BABAM2: variants seen among roughly 807,000 people sequenced by gnomAD.
The protein encoded by BABAM2 is BRISC and BRCA1-A complex member 2.
Under a neutral mutation model 54.7 loss-of-function variants are expected in BABAM2, and 31 were observed. The observed-to-expected ratio is 0.57, with a 90% CI of 0.43 to 0.77. The LOEUF is 0.77. BABAM2 is among the 30% of genes least tolerant of loss of function. The pLI, the probability that BABAM2 is intolerant of heterozygous loss-of-function variation, is 0.00. For missense variants in BABAM2, 364 were observed against 455.8 expected (o/e 0.80, Z 1.83); for synonymous variants, 167 against 162.9 (o/e 1.03, Z -0.19).
At chr2:28,215,484 G>C (rs565874144) in intron 7 of BABAM2, among the ~76,000 whole-genome samples, 4 of 152,316 alleles carry the variant, frequency 2.6e-5, no homozygotes, top group African/African-American at 9.6e-5. Flanking sequence ...AAAGCATTCT[G>C]CTGGGCATTT....
At chr2:28,083,835 C>T (rs1339916639) in intron 6 of BABAM2, among the ~76,000 whole-genome samples, 7 of 152,042 alleles carry the variant, frequency 4.6e-5, no homozygotes, top group African/African-American at 7.2e-5. Flanking sequence ...TTGGTCATTT[C>T]GTGATCTGTA....
At chr2:28,028,380 T>A (rs908632642) in intron 5 of BABAM2, among the ~76,000 whole-genome samples, 2 of 151,508 alleles carry the variant, frequency 1.3e-5, no homozygotes, top group South Asian at 4.2e-4. Context: ...TATCCCACCC[T>A]CCCAACACAC....
chr2:27,936,430 C>T (rs576298024), intron 3 of BABAM2, among the ~76,000 whole-genome samples: 1 of 152,124 alleles, frequency 6.6e-6, no homozygotes, highest in Non-Finnish European at 1.5e-5. Flanking sequence ...CCATTTGACC[C>T]AGCCATCCCA....
intron 10 of BABAM2, among the ~76,000 whole-genome samples, chr2:28,248,572 CA>C (rs1299880955): frequency 2.0e-5 from 3 of 151,764 alleles, no homozygotes; most frequent in African/African-American, 7.2e-5. Flanking sequence ...AGTAACAGAA[CA>C]AAAAAAATCC....
intron 1 of BABAM2, among the ~76,000 whole-genome samples, chr2:27,891,562 T>C (rs1207149543): frequency 6.6e-6 from 1 of 152,110 alleles, no homozygotes; most frequent in Non-Finnish European, 1.5e-5. Context: ...ATCTGGGGTG[T>C]ATTATAGTGC....
At chr2:28,150,975 C>G (rs1671974879) in intron 7 of BABAM2, among the ~76,000 whole-genome samples, 1 of 152,190 alleles carries the variant, frequency 6.6e-6, no homozygotes, top group Non-Finnish European at 1.5e-5. Context: ...GTTAATAGCT[C>G]CCACAGCTCT....
At chr2:28,273,120 C>T (rs140258277) in intron 10 of BABAM2, among the ~76,000 whole-genome samples, 15 of 152,270 alleles carry the variant, frequency 9.9e-5, no homozygotes, top group East Asian at 1.9e-4. Context: ...TTCCACGGAC[C>T]GAACATTTTC....
At chr2:28,082,515 T>G (rs1573542308) in intron 6 of BABAM2, among the ~76,000 whole-genome samples, 1 of 152,330 alleles carries the variant, frequency 6.6e-6, no homozygotes, top group Middle Eastern at 3.4e-3. Context: ...TATCCTCTTC[T>G]CTAAAATGAA....
At chr2:28,196,836 CTTTTT>C (rs759950166) in intron 7 of BABAM2, among the ~76,000 whole-genome samples, 3 of 40,244 alleles carry the variant, frequency 7.5e-5, no homozygotes, top group Non-Finnish European at 1.3e-4. Context: ...GAGACCCTGT[CTTTTT>C]TTTTTTTTTT....
rs1558667447 is a variant in BABAM2, at chr2:28,026,883, T to TGG, written c.495+1463_495+1464insGG. ...ATATAGATATATATATTTATATATA[T>TGG]ATAGATATATATAAATATATATAAA... On this transcript the variant is annotated intron_variant, in intron 5 of 11. Transcript: ENST00000379624. 5.4e-3 allele frequency among the ~76,000 whole-genome samples: 275 copies of TGG among 50,518 alleles called. 10 individuals carry two copies. The highest frequency in any genetic ancestry group is 0.01 in the Middle Eastern group (1 of 100). 33.1% of individuals were successfully genotyped at this position (50,518 alleles called of 152,430 possible).
At position 28,073,367 on chromosome 2, in the gene BABAM2, G is replaced by A. The variant is rs567364917; in HGVS notation, c.570+27568G>A. On this transcript the variant is annotated intron_variant, in intron 6 of 11. Transcript: ENST00000379624. Reference sequence around the variant, plus strand: ...ATTTTAATTAGCCAGTTGTCGTGGTGTGCTTCTGTAGTCCCAGCTACTCAA... The same window carrying A: ...ATTTTAATTAGCCAGTTGTCGTGGTATGCTTCTGTAGTCCCAGCTACTCAA... Among the ~76,000 whole-genome samples the A allele has an allele frequency of 4.6e-5, 7 of 152,014 alleles. No homozygotes were observed. In the East Asian group the frequency reaches 1.4e-3, roughly 29 times the overall value.
In BABAM2 at chr2:28,081,289, C is replaced by A. The variant is rs556248002; in HGVS notation, c.570+35490C>A. ...TCACAGCCCTTTAAGATATACAGGG[C>A]AAGTAGGAGCTGCTTCTTTTCTAGA... On this transcript the variant is annotated intron_variant, in intron 6 of 11. Transcript: ENST00000379624. 2.6e-5 allele frequency among the ~76,000 whole-genome samples: 4 copies of A among 152,260 alleles called. No individual in the cohort carries two copies. In the South Asian group the frequency reaches 8.3e-4, roughly 32 times the overall value.
At chr2:27,939,441 A>AATGC (rs1303126324) in intron 3 of BABAM2, among the ~76,000 whole-genome samples, 14 of 152,366 alleles carry the variant, frequency 9.2e-5, no homozygotes, top group African/African-American at 3.4e-4. Flanking sequence ...AAATAGAATG[A>AATGC]ATGCATGCAT....
chr2:27,900,484 ATC>A, intron 2 of BABAM2, among the ~76,000 whole-genome samples: 1 of 152,188 alleles, frequency 6.6e-6, no homozygotes, highest in Middle Eastern at 3.4e-3. Context: ...ACCCATCAGT[ATC>A]TTAAGGGCCA....
chr2:28,243,811 A>G (rs1682671373), intron 9 of BABAM2, among the ~76,000 whole-genome samples: 1 of 152,196 alleles, frequency 6.6e-6, no homozygotes, highest in Admixed American at 6.5e-5. Context: ...ACCCTTCAGT[A>G]TCTTAGTTCT....
At chr2:28,303,108 C>T (rs990048165) in intron 11 of BABAM2, among the ~76,000 whole-genome samples, 8 of 152,014 alleles carry the variant, frequency 5.3e-5, no homozygotes, top group African/African-American at 1.4e-4. Context: ...TTGATCCTCC[C>T]GCCGCAGCCT....
At chr2:28,093,706 T>A (rs1390727471) in intron 6 of BABAM2, among the ~76,000 whole-genome samples, 11 of 152,228 alleles carry the variant, frequency 7.2e-5, no homozygotes, top group South Asian at 2.1e-4. Flanking sequence ...TGTTCATTTT[T>A]AAAAATCTAT....
chr2:27,926,771 GAGAT>G (rs778588214), intron 2 of BABAM2, among the ~76,000 whole-genome samples: 3 of 152,076 alleles, frequency 2.0e-5, no homozygotes, highest in African/African-American at 4.8e-5. Context: ...ATGAAACACA[GAGAT>G]AGAGAAATAT....
intron 3 of BABAM2, among the ~76,000 whole-genome samples, chr2:27,942,451 C>G (rs1668966080): frequency 6.6e-6 from 1 of 151,980 alleles, no homozygotes; most frequent in South Asian, 2.1e-4. Context: ...ACCTCTGCCT[C>G]CCTGGCTCAA....
Sources: gnomAD v4.1 joint callset for allele counts (sites outside exome capture counted in the v4.1 genomes callset) on GRCh38, gnomAD v4.1.1 for gene constraint, MANE v1.5 for transcripts, NCBI Gene and HGNC (gene_info 2026-07-23, HGNC 2026-07-21) for gene names.